Variants in FAR2 observed in about 807,000 individuals in gnomAD.
The protein encoded by FAR2 is fatty acyl-CoA reductase 2, also known as epididymis secretory protein Li 81.
In FAR2, 19 loss-of-function variants were observed where a neutral mutation model predicts 56.0. The observed-to-expected ratio is 0.34, with a 90% CI of 0.24 to 0.50. The LOEUF (loss-of-function observed/expected upper bound fraction) is 0.50, where lower values mean the gene tolerates loss of function less well. Among genes scored for constraint, FAR2 ranks in the 20% least tolerant of loss-of-function variants. FAR2 has a pLI of 0.98. For synonymous variants in FAR2, 219 were observed against 218.8 expected (o/e 1.00, Z -0.01); for missense variants, 508 against 642.2 (o/e 0.79, Z 2.26).
At chr12:29,235,091 C>T (rs939827686) in intron 1 of FAR2, among the ~76,000 whole-genome samples, 10 of 152,100 alleles carry the variant, frequency 6.6e-5, no homozygotes, top group Admixed American at 2.6e-4. Context: ...TCATAGCAAC[C>T]GTTATTTCCA....
chr12:29,330,082 T>C (rs1313531754), intron 10 of FAR2, among the ~76,000 whole-genome samples: 2 of 129,218 alleles, frequency 1.5e-5, no homozygotes, highest in African/African-American at 3.1e-5. Context: ...TTTGAGACCA[T>C]GTCTTGCTCT....
At chr12:29,219,958 G>A (rs576793841) in intron 1 of FAR2, among the ~76,000 whole-genome samples, 140 of 152,172 alleles carry the variant, frequency 9.2e-4, no homozygotes, top group African/African-American at 3.3e-3. Flanking sequence ...TTTTATTATT[G>A]TGCTTAAAAT....
chr12:29,231,351 G>A (rs917217203), intron 1 of FAR2, among the ~76,000 whole-genome samples: 1 of 152,118 alleles, frequency 6.6e-6, no homozygotes, highest in Non-Finnish European at 1.5e-5. Flanking sequence ...AGGTGTCAAA[G>A]GTGACTCAGC....
intron 1 of FAR2, among the ~76,000 whole-genome samples, chr12:29,187,077 T>G (rs35018848): frequency 8.5e-5 from 13 of 152,142 alleles, no homozygotes; most frequent in Non-Finnish European, 1.6e-4. Flanking sequence ...TGTGAGCCAC[T>G]GCGCCCGGCC....
chr12:29,157,704 G>A (rs776568825), intron 1 of FAR2, among the ~76,000 whole-genome samples: 2 of 152,194 alleles, frequency 1.3e-5, no homozygotes, highest in Non-Finnish European at 2.9e-5. Flanking sequence ...ATTTATCACA[G>A]GTCATTGTGA....
intron 1 of FAR2, chr12:29,156,718 A>G (rs183953439): frequency 6.6e-6 from 1 of 152,272 alleles, no homozygotes; most frequent in East Asian, 1.9e-4. Context: ...TTTGGGTGAC[A>G]GAAATACAAA....
intron 1 of FAR2, among the ~76,000 whole-genome samples, chr12:29,266,287 G>T (rs1006529526): frequency 6.6e-6 from 1 of 152,106 alleles, no homozygotes; most frequent in Non-Finnish European, 1.5e-5. Flanking sequence ...AATGGATAAA[G>T]AAAATGTGGT....
At chr12:29,175,112 A>G (rs761897186) in intron 1 of FAR2, among the ~76,000 whole-genome samples, 9 of 152,310 alleles carry the variant, frequency 5.9e-5, no homozygotes, top group African/African-American at 2.2e-4. Context: ...GGTGCCCAGT[A>G]TTTAGCCCCC....
At chr12:29,304,817 C>T (rs1302327992) in intron 4 of FAR2, among the ~76,000 whole-genome samples, 1 of 152,164 alleles carries the variant, frequency 6.6e-6, no homozygotes, top group East Asian at 1.9e-4. Context: ...GAATTTGAGA[C>T]CCATGGGTTC....
At chr12:29,244,002 T>TTGAATGAA (rs5797312) in intron 1 of FAR2, among the ~76,000 whole-genome samples, 2 of 150,906 alleles carry the variant, frequency 1.3e-5, no homozygotes, top group Non-Finnish European at 3.0e-5. Flanking sequence ...TAATCAGCAG[T>TTGAATGAA]TGAATGAATG....
chr12:29,273,002 G>C (rs757167383), intron 2 of FAR2, among the ~76,000 whole-genome samples: 1 of 152,172 alleles, frequency 6.6e-6, no homozygotes, highest in Non-Finnish European at 1.5e-5. Context: ...GAGCAGCAAA[G>C]ATGGGTCCCT....
At chr12:29,264,508 C>T (rs908994797) in intron 1 of FAR2, among the ~76,000 whole-genome samples, 4 of 151,892 alleles carry the variant, frequency 2.6e-5, no homozygotes, top group African/African-American at 9.7e-5. Context: ...GGTGCATTGG[C>T]TCTTGCCTGT....
At chr12:29,285,533 G>T (rs1164972835) in intron 2 of FAR2, among the ~76,000 whole-genome samples, 2 of 151,898 alleles carry the variant, frequency 1.3e-5, no homozygotes, top group African/African-American at 4.8e-5. Context: ...CTTTAAGGAA[G>T]GAAGGAAGGG....
intron 1 of FAR2, among the ~76,000 whole-genome samples, chr12:29,171,221 C>T (rs766249854): frequency 2.6e-5 from 4 of 152,212 alleles, no homozygotes; most frequent in Non-Finnish European, 5.9e-5. Flanking sequence ...GTGCTTGCCC[C>T]AGGCACCCTC....
At chr12:29,218,005 G>A (rs748381017) in intron 1 of FAR2, among the ~76,000 whole-genome samples, 10 of 151,872 alleles carry the variant, frequency 6.6e-5, no homozygotes, top group South Asian at 2.1e-4. Flanking sequence ...AGGAGGAGGA[G>A]GAAGAATAAA....
chr12:29,205,980 C>A (rs1947474287), intron 1 of FAR2, among the ~76,000 whole-genome samples: 1 of 152,076 alleles, frequency 6.6e-6, no homozygotes, highest in African/African-American at 2.4e-5. Flanking sequence ...TAGCTATCTC[C>A]CAGGAGTAGA....
At chr12:29,297,350 T>C in intron 4 of FAR2, 150 bp downstream of exon 4, 1 of 689,818 alleles carries the variant, frequency 1.4e-6, no homozygotes, top group Non-Finnish European at 2.4e-6. Context: ...ACCTTGTCCC[T>C]GCTAGTTCTG....
chr12:29,246,348 A>G (rs1367194910), intron 1 of FAR2, among the ~76,000 whole-genome samples: 2 of 152,218 alleles, frequency 1.3e-5, no homozygotes, highest in Non-Finnish European at 2.9e-5. Context: ...TTGATTTGAA[A>G]AGATATCTCA....
At chr12:29,170,621 C>G (rs1949875719) in intron 1 of FAR2, among the ~76,000 whole-genome samples, 1 of 151,950 alleles carries the variant, frequency 6.6e-6, no homozygotes. Context: ...CTTCCTTTCT[C>G]TCTTTGACTT....
Sources: allele counts gnomAD v4.1 joint callset (sites outside exome capture counted in the v4.1 genomes callset), GRCh38; gene constraint gnomAD v4.1.1; transcripts MANE v1.5; gene names NCBI Gene and HGNC (gene_info 2026-07-23, HGNC 2026-07-21).